The following RAB7A variants were observed in gnomAD, a reference collection of about 807,000 sequenced individuals.
RAB7A encodes the protein RAB7A, member RAS oncogene family.
In RAB7A, 2 loss-of-function variants were observed where a neutral mutation model predicts 24.5. The ratio of observed to expected loss-of-function variants is 0.08; its 90% CI spans 0.03 to 0.26. The LOEUF is 0.26. Ranked by LOEUF, RAB7A falls within the 10% of genes least tolerant of loss-of-function variation. The pLI is 1.00. For synonymous variants in RAB7A, 100 were observed against 95.9 expected, an observed-to-expected ratio of 1.04 and a Z score of -0.25; for missense variants, 118 against 255.7, an observed-to-expected ratio of 0.46 and a Z score of 3.67.
At chr3:128,735,586 T>C (rs1167515419) in intron 1 of RAB7A, among the ~76,000 whole-genome samples, 1 of 152,234 alleles carries the variant, frequency 6.6e-6, no homozygotes, top group East Asian at 1.9e-4. Context: ...AGAGTTGTGC[T>C]TAAACTTTCA....
chr3:128,768,180 T>C (rs1034713968), intron 1 of RAB7A, among the ~76,000 whole-genome samples: 3 of 152,236 alleles, frequency 2.0e-5, no homozygotes, highest in African/African-American at 7.2e-5. Context: ...ATACTTTAAG[T>C]ATACTGTGTA....
At chr3:128,745,265 G>T (rs913017055) in intron 1 of RAB7A, among the ~76,000 whole-genome samples, 4 of 152,168 alleles carry the variant, frequency 2.6e-5, no homozygotes, top group African/African-American at 9.7e-5. Flanking sequence ...CCCCAATTCT[G>T]CAGGGAGGGT....
chr3:128,795,821 G>A (rs1350294638), intron 2 of RAB7A, among the ~76,000 whole-genome samples: 4 of 139,342 alleles, frequency 2.9e-5, no homozygotes, highest in East Asian at 4.4e-4. Flanking sequence ...GCGCGATCTC[G>A]GCTCACTGCA....
chr3:128,744,204 GGT>G (rs1248757681), intron 1 of RAB7A, among the ~76,000 whole-genome samples: 1 of 152,062 alleles, frequency 6.6e-6, no homozygotes, highest in African/African-American at 2.4e-5. Context: ...ATTGAGTTAT[GGT>G]CACATCACTG....
intron 1 of RAB7A, among the ~76,000 whole-genome samples, chr3:128,777,676 T>C (rs905373760): frequency 6.6e-6 from 1 of 152,212 alleles, no homozygotes; most frequent in Non-Finnish European, 1.5e-5. Flanking sequence ...TTTAAAACTT[T>C]ACCCTGCTCA....
At chr3:128,785,761 A>T (rs952104726) in intron 1 of RAB7A, among the ~76,000 whole-genome samples, 1 of 152,048 alleles carries the variant, frequency 6.6e-6, no homozygotes, top group African/African-American at 2.4e-5. Context: ...AAAAAAAAAA[A>T]AAAAATTCTT....
At chr3:128,770,292 C>T (rs1277496992) in intron 1 of RAB7A, among the ~76,000 whole-genome samples, 2 of 152,172 alleles carry the variant, frequency 1.3e-5, no homozygotes, top group African/African-American at 4.8e-5. Flanking sequence ...TGGCGTGAGC[C>T]ACCACACCCA....
At chr3:128,783,784 C>T (rs1232353412) in intron 1 of RAB7A, among the ~76,000 whole-genome samples, 1 of 152,250 alleles carries the variant, frequency 6.6e-6, no homozygotes, top group Non-Finnish European at 1.5e-5. Context: ...TTTCTGGGAA[C>T]TTCTCTGAAG....
At chr3:128,812,802 C>G (rs1486589703) in intron 5 of RAB7A, among the ~76,000 whole-genome samples, 1 of 152,086 alleles carries the variant, frequency 6.6e-6, no homozygotes, top group Non-Finnish European at 1.5e-5. Flanking sequence ...CCATTGGTCC[C>G]GAAAAGTGGA....
intron 1 of RAB7A, among the ~76,000 whole-genome samples, chr3:128,751,281 C>T (rs151056020): frequency 2.6e-4 from 39 of 152,238 alleles, no homozygotes; most frequent in African/African-American, 9.4e-4. Context: ...ACAGCTTGCA[C>T]CATCCACTTG....
intron 1 of RAB7A, among the ~76,000 whole-genome samples, chr3:128,768,817 C>T (rs963969319): frequency 6.6e-6 from 1 of 151,678 alleles, no homozygotes; most frequent in African/African-American, 2.4e-5. Context: ...CCTTAGCTTC[C>T]CAAAGTACTG....
chr3:128,803,656 A>G (rs977460920), intron 3 of RAB7A, among the ~76,000 whole-genome samples: 2 of 152,220 alleles, frequency 1.3e-5, no homozygotes, highest in African/African-American at 2.4e-5. Flanking sequence ...AAATAACTCA[A>G]ATGATCTGGG....
At chr3:128,776,269 T>G (rs1031397842) in intron 1 of RAB7A, among the ~76,000 whole-genome samples, 2 of 149,532 alleles carry the variant, frequency 1.3e-5, no homozygotes, top group Admixed American at 6.7e-5. Flanking sequence ...TATGCCACGG[T>G]TTTTTTTTTC....
In RAB7A at chr3:128,788,320, G is replaced by A. The variant is rs568493286; in HGVS notation, c.-8-7040G>A. On this transcript the variant is annotated intron_variant, in intron 1 of 5. Coordinates refer to ENST00000265062, the MANE Select transcript of RAB7A (RefSeq NM_004637.6). Reference sequence around the variant, plus strand: ...GGAAAGTGAAAAAATTGTATGCCGAGGTTGCTAAAATTTGTGAGAACATAT... The same window carrying A: ...GGAAAGTGAAAAAATTGTATGCCGAAGTTGCTAAAATTTGTGAGAACATAT... Among the ~76,000 whole-genome samples, 591 of 152,232 alleles carry A rather than the reference G, an allele frequency of 3.9e-3. 3 individuals are homozygous for A. Among genetic ancestry groups the A allele is most frequent in the Non-Finnish European group, 4.5e-3 (304 of 68,002 alleles).
chr3:128,746,514 T>A (rs943923300), intron 1 of RAB7A, among the ~76,000 whole-genome samples: 5 of 151,812 alleles, frequency 3.3e-5, no homozygotes, highest in African/African-American at 1.2e-4. Flanking sequence ...ATTTTTTTTA[T>A]TTTTTTATTT....
chr3:128,751,522 A>G (rs1047012498), intron 1 of RAB7A, among the ~76,000 whole-genome samples: 1 of 152,152 alleles, frequency 6.6e-6, no homozygotes, highest in Admixed American at 6.5e-5. Context: ...GTTTTGACCA[A>G]TTTCTACCAT....
chr3:128,784,916 C>T (rs1225381255), intron 1 of RAB7A, among the ~76,000 whole-genome samples: 1 of 150,618 alleles, frequency 6.6e-6, no homozygotes, highest in Non-Finnish European at 1.5e-5. Flanking sequence ...ATTAGTAGTC[C>T]TGGGGCTTAA....
intron 5 of RAB7A, among the ~76,000 whole-genome samples, chr3:128,811,065 A>G (rs568163620): frequency 6.6e-6 from 1 of 151,902 alleles, no homozygotes; most frequent in African/African-American, 2.4e-5. Flanking sequence ...AAAAAAAAAA[A>G]CAAAACATTC....
At chr3:128,756,989 G>A (rs770459905) in intron 1 of RAB7A, among the ~76,000 whole-genome samples, 25 of 151,914 alleles carry the variant, frequency 1.6e-4, no homozygotes, top group Non-Finnish European at 2.8e-4. Flanking sequence ...GACTACAGGC[G>A]CGCACCACCA....
Sources: gnomAD v4.1 joint callset for allele counts (sites outside exome capture counted in the v4.1 genomes callset) on GRCh38, gnomAD v4.1.1 for gene constraint, MANE v1.5 for transcripts, NCBI Gene and HGNC (gene_info 2026-07-23, HGNC 2026-07-21) for gene names.